The following TRIOBP variants were observed in gnomAD, a reference collection of about 807,000 sequenced individuals.
TRIOBP encodes TRIO and F-actin binding protein.
Under a neutral mutation model 238.8 loss-of-function variants are expected in TRIOBP, and 169 were observed. The observed-to-expected ratio is 0.71, with a 90% confidence interval of 0.62 to 0.80. TRIOBP has a LOEUF of 0.80. Ranked by LOEUF, TRIOBP falls within the 30% of genes least tolerant of loss-of-function variation. TRIOBP has a pLI of 0.00. For synonymous variants in TRIOBP, 1,150 were observed against 1,274.4 expected, an observed-to-expected ratio of 0.90 and a Z score of 2.08; for missense variants, 2,838 against 3,122.6, an observed-to-expected ratio of 0.91 and a Z score of 2.17.
At chr22:37,757,263 C>G (rs981882369) in intron 15 of TRIOBP, among the ~76,000 whole-genome samples, 1 of 151,992 alleles carries the variant, frequency 6.6e-6, no homozygotes. Flanking sequence ...CTCCAGAGGC[C>G]GAGGCAGGAG....
intron 11 of TRIOBP, chr22:37,746,242 G>T: frequency 9.3e-7 from 1 of 1,078,570 alleles, no homozygotes; most frequent in Non-Finnish European, 1.1e-6. Flanking sequence ...AGTTTTATGG[G>T]CGGATGGAAG....
rs775826573 is a variant in TRIOBP at position 37,724,900 on chromosome 22, T to C, written c.2344T>C (p.Ser782Pro). The C allele has an allele frequency of 1.9e-6, 3 of 1,578,120 alleles. No individual in the cohort carries two copies. The South Asian group carries it at 3.3e-5, about 18-fold the overall frequency. The change falls in exon 7 of 24, where the codon TCT (serine) becomes CCT (proline). Residue 782 changes from serine (S) to proline (P), a missense_variant. Coordinates refer to ENST00000644935, the MANE Select transcript of TRIOBP (RefSeq NM_001039141.3). ...CTRQDNPRTS[S>P]PNRATRDNPR... ...CCGACAGGACAATCCCAGGACCTCC[T>C]CTCCCAATAGAGCCACACGAGACAA...
At chr22:37,721,145 A>G (rs1032857385) in intron 6 of TRIOBP, among the ~76,000 whole-genome samples, 1 of 151,656 alleles carries the variant, frequency 6.6e-6, no homozygotes, top group Admixed American at 6.6e-5. Context: ...CTGGGATTAC[A>G]GGCATCAGCC....
intron 3 of TRIOBP, among the ~76,000 whole-genome samples, chr22:37,705,488 T>C (rs1922889635): frequency 6.6e-6 from 1 of 150,908 alleles, no homozygotes; most frequent in Non-Finnish European, 1.5e-5. Context: ...AGGACAAGGA[T>C]GGAGAATGGG....
intron 11 of TRIOBP, among the ~76,000 whole-genome samples, chr22:37,749,307 A>T (rs1225587713): frequency 6.6e-6 from 1 of 152,108 alleles, no homozygotes; most frequent in Non-Finnish European, 1.5e-5. Context: ...GTAAGCCGAG[A>T]TGGCGCCATT....
In TRIOBP at chr22:37,757,264, G is replaced by A. The variant is rs552740886; in HGVS notation, c.5688-349G>A. On this transcript the variant is annotated intron_variant, in intron 15 of 23. Transcript: ENST00000644935. ...TGTAGTCCCAGCTACTCCAGAGGCCGAGGCAGGAGGATCACTTGAGCTAAG... is the reference window on the plus strand; with the variant it reads ...TGTAGTCCCAGCTACTCCAGAGGCCAAGGCAGGAGGATCACTTGAGCTAAG... Among the ~76,000 whole-genome samples, 9 of 152,272 alleles carry A rather than the reference G, an allele frequency of 5.9e-5. No individual in the cohort carries two copies. In the South Asian group the frequency reaches 1.9e-3, roughly 32 times the overall value.
chr22:37,713,464 C>T (rs1056292323), intron 5 of TRIOBP, 53 bp downstream of exon 5: 7 of 1,590,370 alleles, frequency 4.4e-6, no homozygotes, highest in Non-Finnish European at 6.0e-6. Flanking sequence ...CCTCCATCTG[C>T]AGCCCTGGGT....
At chr22:37,722,474 C>T (rs1179042225) in intron 6 of TRIOBP, among the ~76,000 whole-genome samples, 1 of 146,806 alleles carries the variant, frequency 6.8e-6, no homozygotes, top group Non-Finnish European at 1.5e-5. Context: ...CGCCTGTAAT[C>T]CCAGCACTTT....
intron 4 of TRIOBP, among the ~76,000 whole-genome samples, chr22:37,711,400 G>A (rs546217953): frequency 4.6e-5 from 7 of 151,986 alleles, no homozygotes; most frequent in African/African-American, 1.2e-4. Context: ...CCAACATGGC[G>A]AAACCCTGTC....
chr22:37,699,180 C>T (rs933895805), intron 2 of TRIOBP, among the ~76,000 whole-genome samples: 5 of 152,116 alleles, frequency 3.3e-5, no homozygotes, highest in East Asian at 3.9e-4. Flanking sequence ...AACGAAAACA[C>T]ATTAGGATTT....
At chr22:37,765,569 G>C in intron 17 of TRIOBP, 101 bp from the exon 18 acceptor site, 1 of 1,484,382 alleles carries the variant, frequency 6.7e-7, no homozygotes. Context: ...CCCAGGAGGA[G>C]GTGGTGTACC....
In TRIOBP at chr22:37,774,498, C is replaced by G. The variant is rs1230300133; in HGVS notation, c.*718C>G. 1.3e-5 allele frequency: 2 copies of G among 152,266 alleles called. No individual in the cohort carries two copies. The highest frequency in any genetic ancestry group is 4.1e-4 in the South Asian group (2 of 4,836). 9.4% of individuals were successfully genotyped at this position (152,266 alleles called of 1,614,324 possible). A position where few individuals can be genotyped will look rare whatever the true frequency, so the allele number is the denominator to read the frequency against. On this transcript the variant is annotated 3_prime_UTR_variant, in exon 24 of 24. Transcript: ENST00000644935. The stretch of plus-strand genomic sequence containing the variant: ...CCCTGAACCTCTTAACTTAATAAAA[C>G]GTTCCAGCAGCTCTGGTGTCCTAGA...
intron 11 of TRIOBP, chr22:37,750,836 C>A: frequency 2.3e-6 from 1 of 441,814 alleles, no homozygotes. Context: ...CTGTCACCGC[C>A]CACTCCACTG....
chr22:37,759,628 A>G (rs1208240274), intron 17 of TRIOBP: 2 of 1,539,552 alleles, frequency 1.3e-6, no homozygotes, highest in Non-Finnish European at 1.7e-6. Context: ...TGGCCCCGAG[A>G]GTCACTCCCT....
intron 2 of TRIOBP, among the ~76,000 whole-genome samples, chr22:37,698,702 TG>T (rs1275385272): frequency 2.6e-5 from 4 of 152,022 alleles, no homozygotes; most frequent in African/African-American, 9.7e-5. Context: ...CTGGGCGTGG[TG>T]GCGTACACCT....
rs550274094 is a variant in TRIOBP, at chr22:37,726,466, C to A, written c.3910C>A (p.Arg1304Ser). The change falls in exon 7 of 24, where the codon CGT becomes AGT. Residue 1304 changes from arginine to serine, a missense_variant. Transcript: ENST00000644935. ...CGGGGGCCGCACCCACAGCCCTGGC[C>A]GTGCAGAGGTGGAGCGCCTCTTCGG... ...SSGGRTHSPG[R>S]AEVERLFGQE... 3.2e-6 allele frequency: 5 copies of A among 1,552,154 alleles called. No homozygotes were observed. Among genetic ancestry groups the A allele is most frequent in the Middle Eastern group, 1.9e-4 (1 of 5,208 alleles).
At position 37,701,336 on chromosome 22, in the gene TRIOBP, T is replaced by C. The variant is rs1372235542; in HGVS notation, c.-30T>C. The stretch of plus-strand genomic sequence containing the variant: ...ACATAGACGGTCAGCCATTGGATCA[T>C]AGGAACTGCCCTGGCCTGACTCACC... On this transcript the variant is annotated 5_prime_UTR_variant, in exon 3 of 24. Transcript: ENST00000644935. 7.6e-6 allele frequency: 12 copies of C among 1,571,878 alleles called. No individual in the cohort carries two copies. Among genetic ancestry groups the C allele is most frequent in the Non-Finnish European group, 1.0e-5 (12 of 1,147,542 alleles).
rs1601659936 is a variant in TRIOBP, at chr22:37,758,251, C to T, written c.6213+113C>T. 14 of 1,355,042 alleles carry T rather than the reference C, an allele frequency of 1.0e-5. No individual in the cohort carries two copies. The East Asian group carries it at 3.5e-4, about 34-fold the overall frequency. 83.9% of individuals were successfully genotyped at this position (1,355,042 alleles called of 1,614,324 possible). On this transcript the variant is annotated intron_variant, in intron 16 of 23. Coordinates refer to ENST00000644935, the MANE Select transcript of TRIOBP (RefSeq NM_001039141.3). ...TCCTACAGTGATGGGGAGCTCACCC[C>T]TGATCTGCTGTGAGTGTGCACCCCA...
At chr22:37,742,386 C>G (rs995467474) in intron 11 of TRIOBP, among the ~76,000 whole-genome samples, 1 of 151,894 alleles carries the variant, frequency 6.6e-6, no homozygotes, top group African/African-American at 2.4e-5. Context: ...TCTCAGCCTC[C>G]CGAGTATGTG....
Sources: allele counts gnomAD v4.1 joint callset (sites outside exome capture counted in the v4.1 genomes callset), GRCh38; gene constraint gnomAD v4.1.1; transcripts MANE v1.5; gene names NCBI Gene and HGNC (gene_info 2026-07-23, HGNC 2026-07-21).